The following C1QTNF7 variants were observed in gnomAD, a reference collection of about 807,000 sequenced individuals.
C1QTNF7 encodes the protein C1q and TNF related 7.
A neutral mutation model predicts 19.6 loss-of-function variants in C1QTNF7; 15 were observed. The observed-to-expected ratio is 0.76, with a 90% CI of 0.51 to 1.18. The LOEUF (loss-of-function observed/expected upper bound fraction) is 1.18, where lower values mean the gene tolerates loss of function less well. Ranked by LOEUF, C1QTNF7 falls within the 50% of genes most tolerant of loss-of-function variation. C1QTNF7 has a pLI of 0.00. For synonymous variants in C1QTNF7, 142 were observed against 137.5 expected, an observed-to-expected ratio of 1.03 and a Z score of -0.23; for missense variants, 324 against 359.7, an observed-to-expected ratio of 0.90 and a Z score of 0.80.
At chr4:15,364,960 A>G (rs188905526) in intron 1 of C1QTNF7, among the ~76,000 whole-genome samples, 1 of 152,206 alleles carries the variant, frequency 6.6e-6, no homozygotes, top group East Asian at 1.9e-4. Context: ...GTCAGTGAAA[A>G]CCAAAACTGG....
At chr4:15,425,787 T>C (rs1034520003), upstream of C1QTNF7, among the ~76,000 whole-genome samples, 1 of 152,180 alleles carries the variant, frequency 6.6e-6, no homozygotes, top group Non-Finnish European at 1.5e-5. Flanking sequence ...ACATGCTCAT[T>C]ACATATCAGC....
At chr4:15,439,009 A>C (rs2215809) in intron 2 of C1QTNF7, among the ~76,000 whole-genome samples, 125,969 of 152,128 alleles carry the variant, frequency 0.83, 52,374 homozygotes, top group East Asian at 0.93. Flanking sequence ...TCTAGGTAGA[A>C]CCATTTCATG....
At chr4:15,415,820 C>G (rs1719586598) in intron 1 of C1QTNF7, among the ~76,000 whole-genome samples, 1 of 152,008 alleles carries the variant, frequency 6.6e-6, no homozygotes, top group East Asian at 1.9e-4. Context: ...CTCCTTTTTC[C>G]CTTAAGCAAT....
rs532940834 is a variant in C1QTNF7, at chr4:15,382,536, T to C, written c.13+42329T>C. On this transcript the variant is annotated intron_variant, in intron 1 of 2. Coordinates refer to the C1QTNF7 transcript ENST00000295297. The stretch of plus-strand genomic sequence containing the variant: ...CCTTACCTGGAAAAAAGAATTAACA[T>C]ACCTGTCCCACCCATCTCACCTGGT... Among the ~76,000 whole-genome samples the C allele has an allele frequency of 2.6e-5, 4 of 152,298 alleles. No individual in the cohort carries two copies. The South Asian group carries it at 8.3e-4, about 32-fold the overall frequency.
intron 1 of C1QTNF7, among the ~76,000 whole-genome samples, chr4:15,380,294 A>G (rs528212940): frequency 1.3e-5 from 2 of 152,312 alleles, no homozygotes; most frequent in East Asian, 3.9e-4. Context: ...TATTTTTCTC[A>G]CACAACAAGA....
chr4:15,370,333 C>T lies in C1QTNF7; in HGVS notation c.13+30126C>T, dbSNP rs538125690. 6.6e-5 allele frequency among the ~76,000 whole-genome samples: 10 copies of T among 152,332 alleles called. No homozygotes were observed. In the East Asian group the frequency reaches 1.9e-3, roughly 29 times the overall value. On this transcript the variant is annotated intron_variant, in intron 1 of 2. Coordinates refer to the C1QTNF7 transcript ENST00000295297. ...ATAGGAAAGTGTGAGATTCTAGGAT[C>T]TCACCCAGAAGTTCCTGCAAACCAT...
rs1185779659 is a variant in C1QTNF7 at position 15,443,764 on chromosome 4, G to C, written c.*965G>C. ...GCAGGTGATTCTTCTGAATCCTTTA[G>C]TGTGATGGTTTCCCAAGACAAACAT... On this transcript the variant is annotated 3_prime_UTR_variant, in exon 3 of 3. Coordinates refer to ENST00000444304, the MANE Select transcript of C1QTNF7 (RefSeq NM_031911.5). The C allele has an allele frequency of 1.3e-5, 2 of 152,236 alleles. No homozygotes were observed. The highest frequency in any genetic ancestry group is 1.3e-4 in the Admixed American group (2 of 15,284). 9.4% of individuals were successfully genotyped at this position (152,236 alleles called of 1,614,324 possible).
chr4:15,344,100 G>C (rs1716636270), intron 1 of C1QTNF7, among the ~76,000 whole-genome samples: 1 of 152,196 alleles, frequency 6.6e-6, no homozygotes, highest in Admixed American at 6.5e-5. Flanking sequence ...AAAAACACAG[G>C]AGACTGAGAG....
chr4:15,395,015 T>C (rs1168107308), intron 1 of C1QTNF7, among the ~76,000 whole-genome samples: 1 of 152,140 alleles, frequency 6.6e-6, no homozygotes, highest in African/African-American at 2.4e-5. Flanking sequence ...AAGAGAAGTT[T>C]TATAACTTAT....
At chr4:15,432,407 G>A (rs1712355304) in intron 1 of C1QTNF7, among the ~76,000 whole-genome samples, 1 of 152,074 alleles carries the variant, frequency 6.6e-6, no homozygotes, top group Non-Finnish European at 1.5e-5. Context: ...AATTCTTTTT[G>A]TTTTTTGAGA....
intron 1 of C1QTNF7, among the ~76,000 whole-genome samples, chr4:15,393,348 C>G (rs1718655862): frequency 6.6e-6 from 1 of 152,168 alleles, no homozygotes; most frequent in Middle Eastern, 3.2e-3. Flanking sequence ...GGGTCCCACA[C>G]TCTTCTGCAG....
rs889755653 is a variant in C1QTNF7, at chr4:15,411,889, G to A, written c.14-23847G>A. Among the ~76,000 whole-genome samples, 6 of 128,394 alleles carry A rather than the reference G, an allele frequency of 4.7e-5. No individual in the cohort carries two copies. In the South Asian group the frequency reaches 1.0e-3, roughly 22 times the overall value. 84.2% of individuals were successfully genotyped at this position (128,394 alleles called of 152,430 possible). The stretch of plus-strand genomic sequence containing the variant: ...CAGGAGTCCCCAGTCCCTGAACCAC[G>A]CACCGGTACTGGTGCAAGGCCCATT... On this transcript the variant is annotated intron_variant, in intron 1 of 2. Transcript: ENST00000295297.
rs1457287288 is a variant in C1QTNF7 at position 15,442,520 on chromosome 4, T to G, written c.591T>G (p.Tyr197Ter). The G allele has an allele frequency of 1.2e-6, 2 of 1,614,108 alleles. No individual in the cohort carries two copies. Among genetic ancestry groups the G allele is most frequent in the African/African-American group, 2.7e-5 (2 of 74,942 alleles). The change falls in exon 3 of 3, where the codon TAT (tyrosine) becomes TAG (stop). Residue 197 changes from tyrosine (Y) to a stop codon, truncating the protein, a stop_gained. Transcript: ENST00000444304. LOFTEE classifies it high-confidence loss of function. ...TCCCAGGGATCTATTACTTTTCTTA[T>G]GATATCACATTGGCTAATAAGCATC... ...CAFPGIYYFS[Y>*]DITLANKHLA...
Position 15,435,935 on chromosome 4 carries a change from T to A in C1QTNF7, c.192T>A (p.Asp64Glu), listed in dbSNP as rs1361283594. 1.9e-6 allele frequency: 3 copies of A among 1,613,976 alleles called. No homozygotes were observed. In the South Asian group the frequency reaches 3.3e-5, roughly 18 times the overall value. The change falls in exon 2 of 3, where the codon GAT becomes GAA. Residue 64 changes from aspartate (D) to glutamate (E), a missense_variant. By Grantham distance (45) the Asp-to-Glu change is conservative. Transcript: ENST00000444304. ...PHGRIGLPGR[D>E]GRDGRKGEKG... ...GTCGCATCGGCCTTCCAGGAAGAGA[T>A]GGTAGAGACGGCAGGAAAGGAGAGA...
At chr4:15,376,842 G>A (rs1383763910) in intron 1 of C1QTNF7, among the ~76,000 whole-genome samples, 1 of 152,210 alleles carries the variant, frequency 6.6e-6, no homozygotes, top group Non-Finnish European at 1.5e-5. Flanking sequence ...GAAGCTCAAA[G>A]ACATGAAGTG....
intron 1 of C1QTNF7, chr4:15,340,212 G>A: frequency 1.3e-6 from 2 of 1,551,586 alleles, no homozygotes; most frequent in Non-Finnish European, 1.7e-6. Flanking sequence ...GACAAGGTAA[G>A]CTACCATTTT....
chr4:15,383,267 T>A (rs1718213228), intron 1 of C1QTNF7, among the ~76,000 whole-genome samples: 1 of 152,240 alleles, frequency 6.6e-6, no homozygotes, highest in Non-Finnish European at 1.5e-5. Flanking sequence ...AATGATAATT[T>A]TCATGCAGCC....
At chr4:15,427,274 T>C (rs541176458), upstream of C1QTNF7, among the ~76,000 whole-genome samples, 21 of 152,280 alleles carry the variant, frequency 1.4e-4, 1 homozygote, top group South Asian at 3.9e-3. Context: ...AGTCGTCTAA[T>C]TTCCATAAAT....
chr4:15,351,889 C>T (rs775052664), intron 1 of C1QTNF7, among the ~76,000 whole-genome samples: 22 of 152,142 alleles, frequency 1.4e-4, no homozygotes, highest in Non-Finnish European at 2.5e-4. Context: ...AGAGTCTACA[C>T]TAATTGTCAC....
Sources: gnomAD v4.1 joint callset for allele counts (sites outside exome capture counted in the v4.1 genomes callset) on GRCh38, gnomAD v4.1.1 for gene constraint, MANE v1.5 for transcripts, NCBI Gene and HGNC (gene_info 2026-07-23, HGNC 2026-07-21) for gene names.